Variants in ITGA8 observed in about 807,000 individuals in gnomAD.
The protein encoded by ITGA8 is integrin subunit alpha 8.
In ITGA8, 91 loss-of-function variants were observed where a neutral mutation model predicts 142.3. The ratio of observed to expected loss-of-function variants is 0.64; its 90% CI spans 0.54 to 0.76. The LOEUF is 0.76. Among genes scored for constraint, ITGA8 ranks in the 30% least tolerant of loss-of-function variants. The probability of loss-of-function intolerance (pLI) is 0.00; values close to 1 mark genes in which losing one functional copy is unlikely to be tolerated. For synonymous variants in ITGA8, 505 were observed against 485.2 expected (o/e 1.04, Z -0.54); for missense variants, 1,406 against 1,327.7 (o/e 1.06, Z -0.92).
chr10:15,587,426 T>C (rs1440885108), intron 22 of ITGA8, among the ~76,000 whole-genome samples: 1 of 152,154 alleles, frequency 6.6e-6, no homozygotes, highest in African/African-American at 2.4e-5. Context: ...AAATACATAA[T>C]CGAAACAGCA....
At chr10:15,605,008 A>C (rs1833169216) in intron 19 of ITGA8, among the ~76,000 whole-genome samples, 1 of 152,114 alleles carries the variant, frequency 6.6e-6, no homozygotes, top group Non-Finnish European at 1.5e-5. Flanking sequence ...ATTGCATTTG[A>C]AGTTGATAAA....
intron 25 of ITGA8, 109 bp downstream of exon 25, chr10:15,572,102 A>G: frequency 1.1e-6 from 1 of 871,766 alleles, no homozygotes; most frequent in South Asian, 2.4e-5. Flanking sequence ...ATGATCACTG[A>G]AGCAACTTAA....
intron 26 of ITGA8, among the ~76,000 whole-genome samples, chr10:15,556,004 G>T: frequency 7.1e-6 from 1 of 140,546 alleles, no homozygotes; most frequent in East Asian, 2.1e-4. Flanking sequence ...TCTTCTGCCA[G>T]GGTCTCTCTC....
chr10:15,557,931 C>T (rs568591340), intron 26 of ITGA8, 143 bp downstream of exon 26: 375 of 1,048,262 alleles, frequency 3.6e-4, no homozygotes, highest in African/African-American at 8.6e-4. Flanking sequence ...TTTTCATTCT[C>T]GAGATAAACA....
intron 14 of ITGA8, among the ~76,000 whole-genome samples, chr10:15,616,180 G>A (rs1269546138): frequency 1.3e-5 from 2 of 152,158 alleles, no homozygotes; most frequent in Admixed American, 1.3e-4. Context: ...ACCCTGCACC[G>A]CTTCTTTACA....
At chr10:15,664,814 G>T (rs546645745) in intron 8 of ITGA8, among the ~76,000 whole-genome samples, 12 of 151,902 alleles carry the variant, frequency 7.9e-5, no homozygotes, top group Admixed American at 2.0e-4. Flanking sequence ...ATGGTTTCCA[G>T]TTTCATCCAT....
intron 28 of ITGA8, among the ~76,000 whole-genome samples, chr10:15,520,483 A>G (rs921514489): frequency 2.6e-5 from 4 of 152,104 alleles, no homozygotes; most frequent in Admixed American, 2.0e-4. Context: ...TTCATCCCGC[A>G]CTGTTGCAAG....
chr10:15,602,390 AT>A (rs2131605814), intron 20 of ITGA8, among the ~76,000 whole-genome samples: 1 of 152,176 alleles, frequency 6.6e-6, no homozygotes, highest in African/African-American at 2.4e-5. Flanking sequence ...CTTTATTCTT[AT>A]TTATTTTTAT....
intron 4 of ITGA8, 39 bp downstream of exon 4, chr10:15,683,965 T>C (rs963397389): frequency 6.2e-7 from 1 of 1,612,724 alleles, no homozygotes; most frequent in Non-Finnish European, 8.5e-7. Flanking sequence ...AGAAAAGCAC[T>C]TGAGCTAATG....
At chr10:15,593,646 C>T (rs180967867) in intron 21 of ITGA8, among the ~76,000 whole-genome samples, 1 of 152,152 alleles carries the variant, frequency 6.6e-6, no homozygotes, top group Admixed American at 6.5e-5. Flanking sequence ...CATAAATCAG[C>T]AGCACCAGTT....
intron 23 of ITGA8, among the ~76,000 whole-genome samples, chr10:15,582,269 T>C (rs1834421972): frequency 6.6e-6 from 1 of 152,004 alleles, no homozygotes; most frequent in Admixed American, 6.6e-5. Flanking sequence ...AAAAAGAACC[T>C]TGGCCCTCAC....
At chr10:15,610,416 C>A (rs1375446721) in intron 15 of ITGA8, among the ~76,000 whole-genome samples, 1 of 152,126 alleles carries the variant, frequency 6.6e-6, no homozygotes, top group Non-Finnish European at 1.5e-5. Flanking sequence ...AAGCTGTAAA[C>A]TTTCATTAAA....
At chr10:15,584,714 T>A (rs1001350066) in intron 23 of ITGA8, among the ~76,000 whole-genome samples, 3 of 152,138 alleles carry the variant, frequency 2.0e-5, no homozygotes, top group Non-Finnish European at 4.4e-5. Context: ...AGGAAAATAA[T>A]AAAAGCCCTG....
At chr10:15,610,044 A>T (rs1191664796) in intron 15 of ITGA8, among the ~76,000 whole-genome samples, 1 of 151,920 alleles carries the variant, frequency 6.6e-6, no homozygotes, top group African/African-American at 2.4e-5. Flanking sequence ...TTCTTAGCTC[A>T]CTCTTTCTGT....
rs1219290976 is a variant in ITGA8, at chr10:15,717,325, G to A, written c.343+1441C>T. Reference sequence around the variant, plus strand: ...AATGATTCATGTCTTTATTTGGCCTGCTTTAAAATACTTTTAAAAATACAA... The same window carrying A: ...AATGATTCATGTCTTTATTTGGCCTACTTTAAAATACTTTTAAAAATACAA... On this transcript the variant is annotated intron_variant, in intron 2 of 29. Transcript: ENST00000378076. Among the ~76,000 whole-genome samples, 4 of 152,172 alleles carry A rather than the reference G, an allele frequency of 2.6e-5. No individual in the cohort carries two copies. In the East Asian group the frequency reaches 7.7e-4, roughly 29 times the overall value.
chr10:15,646,847 A>G lies in ITGA8; in HGVS notation c.1206T>C (p.Asn402=), dbSNP rs748180797. The G allele has an allele frequency of 1.1e-5, 17 of 1,613,020 alleles. No homozygotes were observed. In the South Asian group the frequency reaches 1.1e-4, roughly 10 times the overall value. ...HLGDLNQDGY[N]DIAIGVPFAG... ...CTTCCACGCTTTGGTTTAAATTACC[A>G]TTGTATCCATCTTGGTTCAGGTCTC... Residue 402 remains asparagine (N), a splice_region_variant and synonymous_variant, in exon 12 of 30, where the codon AAT becomes AAC. Coordinates refer to ENST00000378076, the MANE Select transcript of ITGA8 (RefSeq NM_003638.3).
intron 3 of ITGA8, among the ~76,000 whole-genome samples, chr10:15,684,672 C>A (rs1321821016): frequency 8.3e-6 from 1 of 119,772 alleles, no homozygotes; most frequent in Non-Finnish European, 1.8e-5. Context: ...AGCACCTAGG[C>A]CCCATAGAAA....
chr10:15,693,265 T>C (rs1834967867), intron 2 of ITGA8, among the ~76,000 whole-genome samples: 1 of 152,188 alleles, frequency 6.6e-6, no homozygotes, highest in African/African-American at 2.4e-5. Flanking sequence ...GCATTTTATT[T>C]TTTCTTCCTT....
At chr10:15,595,851 A>C (rs1465310766) in intron 21 of ITGA8, among the ~76,000 whole-genome samples, 4 of 152,204 alleles carry the variant, frequency 2.6e-5, no homozygotes, top group African/African-American at 9.6e-5. Flanking sequence ...GGATCACCTG[A>C]GGCCAGGAGT....
Sources: gnomAD v4.1 joint callset for allele counts (sites outside exome capture counted in the v4.1 genomes callset) on GRCh38, gnomAD v4.1.1 for gene constraint, MANE v1.5 for transcripts, NCBI Gene and HGNC (gene_info 2026-07-23, HGNC 2026-07-21) for gene names.